The following FAM135A variants were observed in gnomAD, a reference collection of about 807,000 sequenced individuals.
FAM135A encodes the protein family with sequence similarity 135 member A, also known as protein FAM135A.
In FAM135A, 79 loss-of-function variants were observed where a neutral mutation model predicts 146.8. The ratio of observed to expected loss-of-function variants is 0.54; its 90% CI spans 0.45 to 0.65. FAM135A has a LOEUF of 0.65. Among genes scored for constraint, FAM135A ranks in the 30% least tolerant of loss-of-function variants. FAM135A has a pLI of 0.00. For synonymous variants in FAM135A, 562 were observed against 603.6 expected (o/e 0.93, Z 1.01); for missense variants, 1,623 against 1,758.2 (o/e 0.92, Z 1.38).
intron 10 of FAM135A, chr6:70,486,073 CACTA>C: frequency 1.1e-6 from 1 of 947,406 alleles, no homozygotes; most frequent in South Asian, 1.6e-5. Flanking sequence ...ATCAGATCAA[CACTA>C]AGTCTATTAT....
At chr6:70,533,032 T>C (rs1796122064) in intron 16 of FAM135A, 128 bp from the exon 17 acceptor site, 1 of 702,644 alleles carries the variant, frequency 1.4e-6, no homozygotes, top group Admixed American at 2.9e-5. Context: ...CTCTATTTCA[T>C]TGTATATTGT....
intron 20 of FAM135A, among the ~76,000 whole-genome samples, chr6:70,552,431 A>G (rs1372469272): frequency 1.3e-5 from 2 of 151,232 alleles, no homozygotes; most frequent in African/African-American, 4.9e-5. Context: ...GGGGAAGGCA[A>G]GAGGAGGTAG....
intron 7 of FAM135A, among the ~76,000 whole-genome samples, chr6:70,476,269 T>G (rs111273510): frequency 2.4e-3 from 367 of 152,340 alleles, no homozygotes; most frequent in African/African-American, 8.2e-3. Flanking sequence ...TTGTGTTCAT[T>G]TAAAACAAGA....
chr6:70,492,765 G>A (rs527778285), intron 11 of FAM135A, among the ~76,000 whole-genome samples: 6 of 151,722 alleles, frequency 4.0e-5, no homozygotes, highest in Admixed American at 2.6e-4. Context: ...CCAGGGGAAT[G>A]CAGATTCTAA....
At position 70,533,828 on chromosome 6, in the gene FAM135A, A is replaced by G; in HGVS notation, c.3939A>G (p.Ile1313Met). 1 of 1,553,718 alleles carries G rather than the reference A, an allele frequency of 6.4e-7. No individual in the cohort carries two copies. The change falls in exon 18 of 22, where the codon ATA (isoleucine) becomes ATG (methionine). Residue 1313 changes from isoleucine to methionine, a missense_variant. Physicochemically the swap from Ile to Met is conservative, Grantham distance 10. Transcript: ENST00000418814. ...LLDEIIQYIQ[I>M]YSLTVSKISF... The stretch of plus-strand genomic sequence containing the variant: ...ATGAGATAATACAGTATATTCAGAT[A>G]TATAGTCTAACAGTCTCAAAAATAA...
At position 70,526,134 on chromosome 6, in the gene FAM135A, G is replaced by A. The variant is rs765680467; in HGVS notation, c.3050G>A (p.Ser1017Asn). The A allele has an allele frequency of 6.2e-7, 1 of 1,613,590 alleles. No individual in the cohort carries two copies. The highest frequency in any genetic ancestry group is 8.5e-7 in the Non-Finnish European group (1 of 1,179,650). Reference sequence around the variant, plus strand: ...TATTCAGAAATCCCTACAGTTGAAAGTGAAACTCATCTGGGTACAAGTGAT... The same window carrying A: ...TATTCAGAAATCCCTACAGTTGAAAATGAAACTCATCTGGGTACAAGTGAT... Reference protein sequence around the residue: ...QMYSEIPTVESETHLGTSDPF... With the variant: ...QMYSEIPTVENETHLGTSDPF... The change falls in exon 15 of 22, where the codon AGT becomes AAT. Residue 1017 changes from serine to asparagine, a missense_variant. Physicochemically the swap from Ser to Asn is conservative, Grantham distance 46. Coordinates refer to ENST00000418814, the MANE Select transcript of FAM135A (RefSeq NM_001162529.3).
At chr6:70,552,036 T>C (rs1489100553) in intron 20 of FAM135A, among the ~76,000 whole-genome samples, 1 of 152,110 alleles carries the variant, frequency 6.6e-6, no homozygotes, top group Non-Finnish European at 1.5e-5. Context: ...AAACATAATA[T>C]CTGCAGAGCA....
At chr6:70,473,546 T>C (rs1782021820) in intron 5 of FAM135A, among the ~76,000 whole-genome samples, 1 of 152,208 alleles carries the variant, frequency 6.6e-6, no homozygotes, top group Non-Finnish European at 1.5e-5. Context: ...CTTTCCCTGA[T>C]AGGTAAGGAA....
intron 18 of FAM135A, among the ~76,000 whole-genome samples, chr6:70,535,694 TG>T (rs1274948291): frequency 1.1e-4 from 16 of 152,282 alleles, no homozygotes; most frequent in African/African-American, 3.4e-4. Flanking sequence ...ATAACAAAAG[TG>T]AAGTGCTAGC....
chr6:70,450,365 C>T (rs1341095163), intron 4 of FAM135A, among the ~76,000 whole-genome samples: 1 of 151,988 alleles, frequency 6.6e-6, no homozygotes, highest in Admixed American at 6.6e-5. Flanking sequence ...ATGGAGATTT[C>T]CTCTTGTGTT....
chr6:70,519,679 A>G (rs1303675661), intron 12 of FAM135A, among the ~76,000 whole-genome samples: 1 of 152,248 alleles, frequency 6.6e-6, no homozygotes, highest in Non-Finnish European at 1.5e-5. Flanking sequence ...TTAACAATAA[A>G]ATATTTTTAA....
intron 8 of FAM135A, among the ~76,000 whole-genome samples, chr6:70,478,018 A>G (rs935821235): frequency 6.6e-6 from 1 of 152,198 alleles, no homozygotes; most frequent in African/African-American, 2.4e-5. Context: ...CTGGAAAAGT[A>G]TGTGAATTTT....
rs70990314 is a variant in FAM135A at position 70,526,802 on chromosome 6, C to CAT, written c.3614+114_3614+115dup. 1.6e-3 allele frequency: 844 copies of CAT among 527,428 alleles called. 7 individuals are homozygous for CAT. The highest frequency in any genetic ancestry group is 2.7e-3 in the South Asian group (68 of 25,224). The allele number at this position is 527,428 out of a possible 1,614,324, so 32.7% of individuals were successfully genotyped here. A position where few individuals can be genotyped will look rare whatever the true frequency, so the allele number is the denominator to read the frequency against. On this transcript the variant is annotated intron_variant, in intron 15 of 21. Transcript: ENST00000418814. ...ACACACACACACACACACACACACA[C>CAT]ATATATATATAAAATCATAGATAGT...
intron 10 of FAM135A, 35 bp from the exon 11 acceptor site, chr6:70,490,999 A>G: frequency 1.4e-6 from 2 of 1,471,474 alleles, no homozygotes; most frequent in South Asian, 1.3e-5. Context: ...AATATCTAAC[A>G]TTGGAATATT....
At chr6:70,475,582 A>T (rs930047251) in intron 6 of FAM135A, 33 bp downstream of exon 6, 32 of 1,575,270 alleles carry the variant, frequency 2.0e-5, no homozygotes, top group Non-Finnish European at 2.5e-5. Flanking sequence ...TTATGTAAAT[A>T]TTTTTTGTAA....
chr6:70,530,689 G>A (rs1442667290), intron 16 of FAM135A, among the ~76,000 whole-genome samples: 5 of 152,162 alleles, frequency 3.3e-5, no homozygotes, highest in Admixed American at 3.3e-4. Flanking sequence ...GGAGGCAGAG[G>A]TTGTAATGAG....
chr6:70,534,384 A>G (rs915821189), intron 18 of FAM135A, among the ~76,000 whole-genome samples: 1 of 130,142 alleles, frequency 7.7e-6, no homozygotes, highest in Non-Finnish European at 1.5e-5. Flanking sequence ...CAGTGGCGCC[A>G]TCTCGGCTCA....
chr6:70,505,138 A>G (rs1007602233), intron 12 of FAM135A, among the ~76,000 whole-genome samples: 5 of 152,074 alleles, frequency 3.3e-5, no homozygotes, highest in Non-Finnish European at 7.4e-5. Flanking sequence ...ACAATATGAT[A>G]ATTATAGACA....
chr6:70,453,802 T>C (rs1295307652), intron 5 of FAM135A, among the ~76,000 whole-genome samples: 1 of 152,240 alleles, frequency 6.6e-6, no homozygotes, highest in African/African-American at 2.4e-5. Flanking sequence ...ATTTTCTTAA[T>C]CCAGTCTATC....
Sources: allele counts gnomAD v4.1 joint callset (sites outside exome capture counted in the v4.1 genomes callset), GRCh38; gene constraint gnomAD v4.1.1; transcripts MANE v1.5; gene names NCBI Gene and HGNC (gene_info 2026-07-23, HGNC 2026-07-21).